The following ARHGAP18 variants were observed in gnomAD, a reference collection of about 807,000 sequenced individuals.
ARHGAP18 encodes rho GTPase-activating protein 18.
A neutral mutation model predicts 86.2 loss-of-function variants in ARHGAP18; 67 were observed. That is an observed-to-expected ratio of 0.78 (90% CI 0.64 to 0.95). The LOEUF (loss-of-function observed/expected upper bound fraction) is 0.95, where lower values mean the gene tolerates loss of function less well. Ranked by LOEUF, ARHGAP18 falls within the 40% of genes least tolerant of loss-of-function variation. The pLI is 0.00. For synonymous variants in ARHGAP18, 283 were observed against 280.4 expected, an observed-to-expected ratio of 1.01 and a Z score of -0.09; for missense variants, 691 against 780.4, an observed-to-expected ratio of 0.89 and a Z score of 1.37.
intron 1 of ARHGAP18, among the ~76,000 whole-genome samples, chr6:129,643,059 TTACC>T (rs1282038863): frequency 1.3e-5 from 2 of 152,050 alleles, no homozygotes; most frequent in Non-Finnish European, 2.9e-5. Context: ...AATTCATATC[TTACC>T]TACTTCTAAA....
chr6:129,602,282 G>A (rs1788762915), intron 10 of ARHGAP18, among the ~76,000 whole-genome samples: 2 of 152,070 alleles, frequency 1.3e-5, no homozygotes, highest in South Asian at 2.1e-4. Flanking sequence ...AACAATGTTT[G>A]GAGAATGTAA....
intron 5 of ARHGAP18, among the ~76,000 whole-genome samples, chr6:129,625,785 A>ATTTTT (rs1215546666): frequency 3.5e-5 from 1 of 28,174 alleles, no homozygotes; most frequent in Non-Finnish European, 6.9e-5. Flanking sequence ...TTATATATAT[A>ATTTTT]ATATATATTT....
intron 1 of ARHGAP18, among the ~76,000 whole-genome samples, chr6:129,665,138 A>T (rs1467856350): frequency 6.6e-6 from 1 of 152,084 alleles, no homozygotes; most frequent in African/African-American, 2.4e-5. Flanking sequence ...TGTCTTTAGG[A>T]TCTACTCTCT....
intron 1 of ARHGAP18, among the ~76,000 whole-genome samples, chr6:129,675,173 T>C (rs951379142): frequency 6.6e-6 from 1 of 152,066 alleles, no homozygotes; most frequent in African/African-American, 2.4e-5. Context: ...CAATGTCACA[T>C]TGTAAGTGGG....
intron 4 of ARHGAP18, among the ~76,000 whole-genome samples, chr6:129,630,605 TTA>T (rs1773181102): frequency 6.6e-6 from 1 of 152,208 alleles, no homozygotes; most frequent in South Asian, 2.1e-4. Flanking sequence ...AAAATAATGT[TTA>T]TATTCATTTA....
chr6:129,706,729 AT>A (rs1774807824), intron 1 of ARHGAP18, among the ~76,000 whole-genome samples: 1 of 151,268 alleles, frequency 6.6e-6, no homozygotes, highest in Non-Finnish European at 1.5e-5. Context: ...TCTACTAAAA[AT>A]ACAAAAATTA....
At chr6:129,694,217 G>A (rs562724586) in intron 1 of ARHGAP18, among the ~76,000 whole-genome samples, 4 of 152,078 alleles carry the variant, frequency 2.6e-5, no homozygotes, top group Non-Finnish European at 4.4e-5. Context: ...AATAGCATTC[G>A]GTTCACAAAA....
chr6:129,702,777 A>C (rs1774737588), intron 1 of ARHGAP18, among the ~76,000 whole-genome samples: 1 of 152,228 alleles, frequency 6.6e-6, no homozygotes. Flanking sequence ...AGGCGGGTGG[A>C]TCACCTGAGG....
In ARHGAP18 at chr6:129,686,384, A is replaced by G. The variant is rs1037381232; in HGVS notation, c.113+23640T>C. On this transcript the variant is annotated intron_variant, in intron 1 of 14. Transcript: ENST00000368149. ...CATAAGACTCTCTGCACATTCTACA[A>G]GTGATGTTCAGGGAGCATCTGAAAG... is the stretch of plus-strand genomic sequence containing the variant. Among the ~76,000 whole-genome samples the G allele has an allele frequency of 3.9e-5, 6 of 152,264 alleles. No individual in the cohort carries two copies. In the East Asian group the frequency reaches 1.2e-3, roughly 29 times the overall value.
intron 10 of ARHGAP18, among the ~76,000 whole-genome samples, chr6:129,601,171 A>G (rs1788734974): frequency 6.6e-6 from 1 of 152,198 alleles, no homozygotes; most frequent in Non-Finnish European, 1.5e-5. Flanking sequence ...AGTAATGTAA[A>G]ACATCATACA....
chr6:129,705,550 C>T (rs1052868949), intron 1 of ARHGAP18, among the ~76,000 whole-genome samples: 1 of 152,190 alleles, frequency 6.6e-6, no homozygotes, highest in Non-Finnish European at 1.5e-5. Context: ...AAGGCCTAAA[C>T]TTTTACATTA....
At chr6:129,632,181 C>A (rs1010591784) in intron 4 of ARHGAP18, among the ~76,000 whole-genome samples, 3 of 152,198 alleles carry the variant, frequency 2.0e-5, no homozygotes, top group Non-Finnish European at 4.4e-5. Flanking sequence ...GGTTAATTCA[C>A]TGGCTAGTGA....
Position 129,625,148 on chromosome 6 carries a change from A to G in ARHGAP18, c.786+4205T>C, listed in dbSNP as rs1789340826. Among the ~76,000 whole-genome samples the G allele has an allele frequency of 1.4e-4, 2 of 13,798 alleles. 1 individual carries two copies. The highest frequency in any genetic ancestry group is 2.0e-4 in the Non-Finnish European group (2 of 10,180). The allele number at this position is 13,798 out of a possible 152,430, so 9.1% of individuals were successfully genotyped here. Reference sequence around the variant, plus strand: ...ATATTATATATGATATATATTATATATTATATAGATATATATTATATATGA... The same window carrying G: ...ATATTATATATGATATATATTATATGTTATATAGATATATATTATATATGA... On this transcript the variant is annotated intron_variant, in intron 5 of 14. Transcript: ENST00000368149.
intron 1 of ARHGAP18, among the ~76,000 whole-genome samples, chr6:129,661,076 T>C (rs1391910559): frequency 1.4e-5 from 2 of 142,250 alleles, no homozygotes; most frequent in African/African-American, 2.6e-5. Flanking sequence ...ATTAAAGCTA[T>C]AAAGAACTTC....
chr6:129,625,973 T>A (rs1396303854), intron 5 of ARHGAP18, among the ~76,000 whole-genome samples: 5 of 110,966 alleles, frequency 4.5e-5, no homozygotes, highest in African/African-American at 1.9e-4. Context: ...TTATATATTA[T>A]ATATATTTAT....
chr6:129,648,058 G>A (rs1773615446), intron 1 of ARHGAP18, among the ~76,000 whole-genome samples: 2 of 151,996 alleles, frequency 1.3e-5, no homozygotes, highest in Admixed American at 1.3e-4. Flanking sequence ...TCTATAATTT[G>A]CACTTTCAAA....
intron 1 of ARHGAP18, among the ~76,000 whole-genome samples, chr6:129,660,825 T>C (rs73592463): frequency 0.015 from 2,264 of 152,176 alleles, 55 homozygotes; most frequent in African/African-American, 0.051. Context: ...AGGGTTAAAA[T>C]GATAGGAGTG....
chr6:129,678,643 AAAAC>A (rs1427379192), intron 1 of ARHGAP18, among the ~76,000 whole-genome samples: 1 of 152,136 alleles, frequency 6.6e-6, no homozygotes, highest in South Asian at 2.1e-4. Flanking sequence ...AGCTTCACCA[AAAAC>A]AAACAAACAA....
chr6:129,606,101 T>G, intron 9 of ARHGAP18, 142 bp from the exon 10 acceptor site: 1 of 712,488 alleles, frequency 1.4e-6, no homozygotes, highest in South Asian at 1.7e-5. Context: ...CTGCAAGCCT[T>G]GTTGAGAGTG....
Sources: gnomAD v4.1 joint callset for allele counts (sites outside exome capture counted in the v4.1 genomes callset) on GRCh38, gnomAD v4.1.1 for gene constraint, MANE v1.5 for transcripts, NCBI Gene and HGNC (gene_info 2026-07-23, HGNC 2026-07-21) for gene names.